The following LRRC4C variants were observed in gnomAD, a reference collection of about 807,000 sequenced individuals.
LRRC4C encodes the protein leucine rich repeat containing 4C, also known as leucine-rich repeat-containing protein 4C.
In LRRC4C, 5 loss-of-function variants were observed where a neutral mutation model predicts 33.6. The ratio of observed to expected loss-of-function variants is 0.15; its 90% CI spans 0.08 to 0.31. The LOEUF (loss-of-function observed/expected upper bound fraction) is 0.31, where lower values mean the gene tolerates loss of function less well. Among genes scored for constraint, LRRC4C ranks in the 10% least tolerant of loss-of-function variants. The probability of loss-of-function intolerance (pLI) is 1.00; values close to 1 mark genes in which losing one functional copy is unlikely to be tolerated. For synonymous variants in LRRC4C, 329 were observed against 302.0 expected, an observed-to-expected ratio of 1.09 and a Z score of -0.93; for missense variants, 560 against 796.7, an observed-to-expected ratio of 0.70 and a Z score of 3.58.
chr11:41,116,753 C>T (rs1942152148), intron 1 of LRRC4C, among the ~76,000 whole-genome samples: 1 of 152,002 alleles, frequency 6.6e-6, no homozygotes, highest in Admixed American at 6.6e-5. Context: ...TAACTCTACC[C>T]CCAGGAATTT....
chr11:40,589,706 G>A (rs2135722247), intron 3 of LRRC4C, among the ~76,000 whole-genome samples: 1 of 151,674 alleles, frequency 6.6e-6, no homozygotes, highest in East Asian at 1.9e-4. Context: ...TTGCTTGTCT[G>A]TAAAGTATTT....
intron 1 of LRRC4C, among the ~76,000 whole-genome samples, chr11:41,123,311 C>G (rs368186764): frequency 7.6e-5 from 9 of 118,624 alleles, no homozygotes; most frequent in Middle Eastern, 6.8e-3. Context: ...CTCGCTCTGT[C>G]GCCCAGGCTG....
At chr11:40,941,226 C>G (rs1958128480) in intron 1 of LRRC4C, among the ~76,000 whole-genome samples, 1 of 151,958 alleles carries the variant, frequency 6.6e-6, no homozygotes, top group Admixed American at 6.6e-5. Context: ...AATTTTATTA[C>G]TATGCAGATT....
At chr11:40,374,543 TAAAAC>T (rs1185930098) in intron 3 of LRRC4C, among the ~76,000 whole-genome samples, 1 of 152,116 alleles carries the variant, frequency 6.6e-6, no homozygotes, top group East Asian at 1.9e-4. Context: ...TTAGCAAAAA[TAAAAC>T]AAAACAAAGA....
chr11:41,252,432 T>C (rs1948670312), intron 1 of LRRC4C, among the ~76,000 whole-genome samples: 1 of 151,550 alleles, frequency 6.6e-6, no homozygotes, highest in African/African-American at 2.4e-5. Flanking sequence ...AGAGAAAGAG[T>C]TTATAATTGT....
chr11:40,617,729 G>C (rs1212634686), intron 3 of LRRC4C, among the ~76,000 whole-genome samples: 1 of 151,584 alleles, frequency 6.6e-6, no homozygotes, highest in African/African-American at 2.4e-5. Flanking sequence ...TGGGCAGACT[G>C]AATACATAAT....
In LRRC4C at chr11:40,599,870, C is replaced by T. The variant is rs532162745; in HGVS notation, c.-270+48272G>A. Among the ~76,000 whole-genome samples the T allele has an allele frequency of 4.6e-5, 7 of 152,228 alleles. No individual in the cohort carries two copies. In the South Asian group the frequency reaches 1.4e-3, roughly 32 times the overall value. ...ATAAGAATAAGAGGAAAGCTTTTGC[C>T]TAGTGTGGTCCATGTCAAATATCCT... On this transcript the variant is annotated intron_variant, in intron 3 of 6. Coordinates refer to ENST00000528697, the MANE Select transcript of LRRC4C (RefSeq NM_001258419.2).
intron 1 of LRRC4C, among the ~76,000 whole-genome samples, chr11:41,411,050 T>C (rs1311266460): frequency 6.6e-6 from 1 of 151,644 alleles, no homozygotes; most frequent in Non-Finnish European, 1.5e-5. Flanking sequence ...CAGCCACCTG[T>C]GTCAAAAGAC....
intron 3 of LRRC4C, among the ~76,000 whole-genome samples, chr11:40,453,556 T>A (rs1408626982): frequency 6.6e-6 from 1 of 151,472 alleles, no homozygotes; most frequent in Non-Finnish European, 1.5e-5. Context: ...GGAGGACATT[T>A]CTATCTCATT....
At chr11:40,979,365 T>G (rs1812189399) in intron 1 of LRRC4C, among the ~76,000 whole-genome samples, 1 of 152,248 alleles carries the variant, frequency 6.6e-6, no homozygotes, top group Non-Finnish European at 1.5e-5. Context: ...AGTCAATAAA[T>G]TAATGACTTA....
intron 1 of LRRC4C, among the ~76,000 whole-genome samples, chr11:41,083,306 G>A (rs566914355): frequency 3.3e-5 from 5 of 152,034 alleles, no homozygotes; most frequent in South Asian, 2.1e-4. Flanking sequence ...TACCATATGC[G>A]AGTTACCCAT....
intron 4 of LRRC4C, among the ~76,000 whole-genome samples, chr11:40,249,393 C>T (rs974107899): frequency 6.6e-6 from 1 of 151,726 alleles, no homozygotes; most frequent in African/African-American, 2.4e-5. Flanking sequence ...AGTCTCATTT[C>T]CCAATAATAA....
intron 3 of LRRC4C, among the ~76,000 whole-genome samples, chr11:40,330,360 T>G (rs1478630924): frequency 6.6e-6 from 1 of 152,140 alleles, no homozygotes; most frequent in Admixed American, 6.5e-5. Flanking sequence ...TTGTACATAT[T>G]TATGGGGTAC....
intron 3 of LRRC4C, among the ~76,000 whole-genome samples, chr11:40,390,851 CTCTTTTCTTT>C (rs1011237194): frequency 6.6e-6 from 1 of 151,906 alleles, no homozygotes; most frequent in South Asian, 2.1e-4. Context: ...TGGAAATAAT[CTCTTTTCTTT>C]TCTTTTCCTT....
intron 3 of LRRC4C, among the ~76,000 whole-genome samples, chr11:40,341,990 A>T (rs1946886685): frequency 1.6e-5 from 2 of 122,216 alleles, no homozygotes; most frequent in Non-Finnish European, 1.8e-5. Flanking sequence ...TGTTACTGGC[A>T]CTTTTCTCAA....
At position 40,545,233 on chromosome 11, in the gene LRRC4C, C is replaced by A. The variant is rs191647690; in HGVS notation, c.-270+102909G>T. 5.1e-4 allele frequency among the ~76,000 whole-genome samples: 78 copies of A among 152,044 alleles called. 3 individuals carry two copies. In the East Asian group the frequency reaches 0.015, roughly 29 times the overall value. On this transcript the variant is annotated intron_variant, in intron 3 of 6. Coordinates refer to ENST00000528697, the MANE Select transcript of LRRC4C (RefSeq NM_001258419.2). ...GAATATCTGCTCTTCCTTCCCCCAACAAGACTACTAGTTCTTTAAACACAG... is the reference window on the plus strand; with the variant it reads ...GAATATCTGCTCTTCCTTCCCCCAAAAAGACTACTAGTTCTTTAAACACAG...
chr11:41,155,951 C>T (rs1031465630), intron 1 of LRRC4C, among the ~76,000 whole-genome samples: 1 of 152,074 alleles, frequency 6.6e-6, no homozygotes, highest in Non-Finnish European at 1.5e-5. Context: ...AAGCCATCTT[C>T]CACGTGATGA....
At chr11:40,408,430 C>G (rs1006124408) in intron 3 of LRRC4C, among the ~76,000 whole-genome samples, 1 of 151,644 alleles carries the variant, frequency 6.6e-6, no homozygotes, top group Non-Finnish European at 1.5e-5. Context: ...CCAACTTTAT[C>G]TTTTTTTTAA....
rs185464171 is a variant in LRRC4C, at chr11:41,236,305, G to C, written c.-496+223126C>G. 2.8e-3 allele frequency among the ~76,000 whole-genome samples: 430 copies of C among 151,968 alleles called. 2 individuals are homozygous for C. The highest frequency in any genetic ancestry group is 9.9e-3 in the African/African-American group (410 of 41,468). Reference sequence around the variant, plus strand: ...CACCTCCTGATACCTCTTCAGGAGGGGTTCAACCACTTTTTGTTTAGCTAA... The same window carrying C: ...CACCTCCTGATACCTCTTCAGGAGGCGTTCAACCACTTTTTGTTTAGCTAA... On this transcript the variant is annotated intron_variant, in intron 1 of 6. Transcript: ENST00000528697.
Sources: gnomAD v4.1 joint callset for allele counts (sites outside exome capture counted in the v4.1 genomes callset) on GRCh38, gnomAD v4.1.1 for gene constraint, MANE v1.5 for transcripts, NCBI Gene and HGNC (gene_info 2026-07-23, HGNC 2026-07-21) for gene names.